The following PHF6 variants were observed in gnomAD, a reference collection of about 807,000 sequenced individuals.
PHF6 encodes PHD-like zinc finger protein.
In PHF6, 7 loss-of-function variants were observed where a neutral mutation model predicts 34.0. That is an observed-to-expected ratio of 0.21 (90% CI 0.12 to 0.39). PHF6 has a LOEUF of 0.39. Among genes scored for constraint, PHF6 ranks in the 10% least tolerant of loss-of-function variants. The pLI, the probability that PHF6 is intolerant of heterozygous loss-of-function variation, is 1.00. For missense variants in PHF6, 128 were observed against 262.8 expected (o/e 0.49, Z 3.55); for synonymous variants, 89 against 88.4 (o/e 1.01, Z -0.04).
At chrX:134,377,843 A>AT in intron 2 of PHF6, 88 bp downstream of exon 2, 1 of 1,056,278 alleles carries the variant, frequency 9.5e-7, no homozygotes, top group Non-Finnish European at 1.3e-6. Context: ...AAAAAAAAAA[A>AT]CAAAAACCAA....
At chrX:134,400,959 A>C (rs2077400517) in intron 5 of PHF6, among the ~76,000 whole-genome samples, 1 of 112,029 alleles carries the variant, frequency 8.9e-6, no homozygotes, top group Non-Finnish European at 1.9e-5. Flanking sequence ...AAGTGACAGC[A>C]GGAGAACAAG....
intron 5 of PHF6, among the ~76,000 whole-genome samples, chrX:134,394,941 C>A (rs2077371239): frequency 9.2e-6 from 1 of 108,906 alleles, no homozygotes; most frequent in Non-Finnish European, 1.9e-5. Flanking sequence ...CAACCTCTGC[C>A]TCCTGGGTTC....
chrX:134,415,060 A>G lies in PHF6; in HGVS notation c.774A>G (p.Ala258=). ...TCCAGCTCACAACAACATCAAGAGC[A>G]GAATTTGGAGACTTTGATATTAAAA... is the stretch of plus-strand genomic sequence containing the variant. ...GTVQLTTTSR[A]EFGDFDIKTV... The change falls in exon 8 of 11, where the codon GCA becomes GCG. Residue 258 remains alanine, a synonymous_variant. Coordinates refer to ENST00000370803, the MANE Select transcript of PHF6 (RefSeq NM_001015877.2). The G allele has an allele frequency of 8.3e-7, 1 of 1,211,083 alleles. No individual in the cohort carries two copies. The highest frequency in any genetic ancestry group is 1.1e-6 in the Non-Finnish European group (1 of 895,096).
intron 9 of PHF6, among the ~76,000 whole-genome samples, chrX:134,421,867 T>C (rs1214430794): frequency 3.6e-5 from 4 of 110,852 alleles, no homozygotes; most frequent in African/African-American, 1.3e-4. Flanking sequence ...TCTTTTCCAC[T>C]TACTAGATCA....
rs1460281471 is a variant in PHF6 at position 134,428,693 on chromosome X, A to G, written c.*3033A>G. Reference sequence around the variant, plus strand: ...GTTATGTATATTTTGTTCCTGTTATATTGGCTTTATTTTCAAAATTGTAGT... The same window carrying G: ...GTTATGTATATTTTGTTCCTGTTATGTTGGCTTTATTTTCAAAATTGTAGT... On this transcript the variant is annotated 3_prime_UTR_variant, in exon 11 of 11. Coordinates refer to ENST00000370803, the MANE Select transcript of PHF6 (RefSeq NM_001015877.2). 7.1e-6 allele frequency: 1 copy of G among 141,753 alleles called. No homozygotes were observed. Among genetic ancestry groups the G allele is most frequent in the East Asian group, 1.1e-4 (1 of 8,758 alleles). 11.7% of individuals were successfully genotyped at this position (141,753 alleles called of 1,213,427 possible).
At position 134,393,566 on chromosome X, in the gene PHF6, A is replaced by T; in HGVS notation, c.306A>T (p.Thr102=). Residue 102 remains threonine, a synonymous_variant, in exon 4 of 11, where the codon ACA becomes ACT. Coordinates refer to ENST00000370803, the MANE Select transcript of PHF6 (RefSeq NM_001015877.2). ...GTGATGTGAAAACATGTCACAGGACATACCACTACCACTGTGCATTGCATG... is the reference window on the plus strand; with the variant it reads ...GTGATGTGAAAACATGTCACAGGACTTACCACTACCACTGTGCATTGCATG... ...IGCDVKTCHR[T]YHYHCALHDK... 8.3e-7 allele frequency: 1 copy of T among 1,207,859 alleles called. No individual in the cohort carries two copies. The highest frequency in any genetic ancestry group is 1.1e-6 in the Non-Finnish European group (1 of 891,844).
At chrX:134,405,448 C>G (rs2077418938) in intron 5 of PHF6, among the ~76,000 whole-genome samples, 1 of 111,665 alleles carries the variant, frequency 9.0e-6, no homozygotes, top group Non-Finnish European at 1.9e-5. Context: ...ATCTACCCAC[C>G]TCAGCCTCTC....
At chrX:134,416,468 A>T (rs960828474) in intron 8 of PHF6, among the ~76,000 whole-genome samples, 2 of 111,068 alleles carry the variant, frequency 1.8e-5, no homozygotes, top group African/African-American at 3.3e-5. Flanking sequence ...GCTCCAAAGG[A>T]AGTTAGTCCA....
intron 3 of PHF6, among the ~76,000 whole-genome samples, chrX:134,381,708 C>T (rs1196123575): frequency 3.6e-5 from 4 of 110,094 alleles, no homozygotes; most frequent in African/African-American, 6.6e-5. Context: ...TTAGGCTGGT[C>T]GCGAACTCCT....
At chrX:134,379,375 G>A (rs1279307231) in intron 3 of PHF6, among the ~76,000 whole-genome samples, 3 of 100,222 alleles carry the variant, frequency 3.0e-5, no homozygotes, top group African/African-American at 1.1e-4. Context: ...CCCCAAAACT[G>A]TAGATATTAA....
At chrX:134,383,629 T>G (rs1294917352) in intron 3 of PHF6, among the ~76,000 whole-genome samples, 1 of 111,890 alleles carries the variant, frequency 8.9e-6, no homozygotes, top group African/African-American at 3.2e-5. Flanking sequence ...CTAGGGACTA[T>G]GCTAAGTTTT....
rs982677399 is a variant in PHF6, at chrX:134,388,700, A to C, written c.241-4801A>C. 3.6e-5 allele frequency among the ~76,000 whole-genome samples: 4 copies of C among 111,755 alleles called. No homozygotes were observed. The Admixed American group carries it at 3.8e-4, about 11-fold the overall frequency. On this transcript the variant is annotated intron_variant, in intron 3 of 10. Coordinates refer to ENST00000370803, the MANE Select transcript of PHF6 (RefSeq NM_001015877.2). ...TTTTCCCCAAGAGCCTTGTCGTAGA[A>C]GTTGGCAATCTCATTTTCATTTTAC... is the stretch of plus-strand genomic sequence containing the variant.
chrX:134,413,786 A>AT (rs764511301), intron 6 of PHF6, 37 bp from the exon 7 acceptor site: 2 of 1,207,647 alleles, frequency 1.7e-6, no homozygotes, highest in South Asian at 1.8e-5. Flanking sequence ...TATTTTCATG[A>AT]TTTTTTTTAA....
chrX:134,416,739 T>C (rs1448843887), intron 8 of PHF6, among the ~76,000 whole-genome samples: 2 of 112,249 alleles, frequency 1.8e-5, no homozygotes, highest in Admixed American at 1.9e-4. Context: ...TCAGCCCCTT[T>C]AGTCTCCCTC....
intron 5 of PHF6, among the ~76,000 whole-genome samples, chrX:134,404,609 A>G: frequency 8.9e-6 from 1 of 112,106 alleles, no homozygotes; most frequent in Non-Finnish European, 1.9e-5. Context: ...GTAAAATGCT[A>G]TCAAACGGCA....
At chrX:134,392,145 A>C (rs902473196) in intron 3 of PHF6, among the ~76,000 whole-genome samples, 3 of 111,987 alleles carry the variant, frequency 2.7e-5, no homozygotes, top group Non-Finnish European at 5.6e-5. Context: ...AATGTAAGAA[A>C]TTTTATTGGA....
chrX:134,393,622 A>T lies in PHF6; in HGVS notation c.362A>T (p.Gln121Leu), dbSNP rs753505472. ...GCTCAAATACGAGAGAAACCTTCAC[A>T]AGGAATTTACATGTAATTATTTAAC... Reference protein sequence around the residue: ...DKAQIREKPSQGIYMVYCRKH... With the variant: ...DKAQIREKPSLGIYMVYCRKH... The change falls in exon 4 of 11, where the codon CAA (glutamine) becomes CTA (leucine). Residue 121 changes from glutamine to leucine, a missense_variant. Coordinates refer to ENST00000370803, the MANE Select transcript of PHF6 (RefSeq NM_001015877.2). 2 of 1,204,359 alleles carry T rather than the reference A, an allele frequency of 1.7e-6. No individual in the cohort carries two copies.
intron 3 of PHF6, among the ~76,000 whole-genome samples, chrX:134,389,313 C>T (rs904456396): frequency 9.0e-6 from 1 of 110,892 alleles, no homozygotes; most frequent in Non-Finnish European, 1.9e-5. Flanking sequence ...GGGGAGAGGT[C>T]TTCCATTGTT....
chrX:134,397,999 G>T (rs768452818), intron 5 of PHF6, among the ~76,000 whole-genome samples: 89 of 112,444 alleles, frequency 7.9e-4, no homozygotes, highest in Non-Finnish European at 1.4e-3. Context: ...GACTAAAGAG[G>T]ATTGGAGGCA....
Sources: allele counts gnomAD v4.1 joint callset (sites outside exome capture counted in the v4.1 genomes callset), GRCh38; gene constraint gnomAD v4.1.1; transcripts MANE v1.5; gene names NCBI Gene and HGNC (gene_info 2026-07-23, HGNC 2026-07-21).